PLD6: variants seen among roughly 807,000 people sequenced by gnomAD.
The protein encoded by PLD6 is phospholipase D family member 6.
PLD6 carries 10 observed loss-of-function variants against 9.7 expected under a neutral mutation model. The ratio of observed to expected loss-of-function variants is 1.03; its 90% CI spans 0.64 to 1.75. PLD6 has a LOEUF of 1.75. PLD6 is among the 40% of genes most tolerant of loss of function. PLD6 has a pLI of 0.00. For synonymous variants in PLD6, 152 were observed against 159.2 expected, an observed-to-expected ratio of 0.96 and a Z score of 0.34; for missense variants, 334 against 347.6, an observed-to-expected ratio of 0.96 and a Z score of 0.31.
intron 1 of PLD6, 57 bp downstream of exon 1, chr17:17,205,803 C>T: frequency 6.5e-7 from 1 of 1,532,382 alleles, no homozygotes. Flanking sequence ...CACCTTTGCG[C>T]CTAGGACCCC....
In PLD6 at chr17:17,201,918, A is replaced by AC. The variant is rs1423221543; in HGVS notation, c.*848_*849insG. 4 of 152,184 alleles carry AC rather than the reference A, an allele frequency of 2.6e-5. No individual in the cohort carries two copies. Among genetic ancestry groups the AC allele is most frequent in the Non-Finnish European group, 5.9e-5 (4 of 68,040 alleles). 9.4% of individuals were successfully genotyped at this position (152,184 alleles called of 1,614,324 possible). A position where few individuals can be genotyped will look rare whatever the true frequency, so the allele number is the denominator to read the frequency against. The stretch of plus-strand genomic sequence containing the variant: ...GGACAATCGTTTGAACCCAGGAGGC[A>AC]GAGGATGCAGTGAGCCGAGGTTGTG... On this transcript the variant is annotated 3_prime_UTR_variant, in exon 2 of 2. Coordinates refer to ENST00000321560, the MANE Select transcript of PLD6 (RefSeq NM_178836.4).
chr17:17,206,299 C>A lies in PLD6; in HGVS notation c.-13G>T. ...TCAACCGTCCCATGCCGCCGCTAAT[C>A]CGGGACCCACAGCCACGCCGCCGCA... On this transcript the variant is annotated 5_prime_UTR_variant, in exon 1 of 2. Transcript: ENST00000321560. The A allele has an allele frequency of 6.6e-7, 1 of 1,519,572 alleles. No homozygotes were observed. Among genetic ancestry groups the A allele is most frequent in the East Asian group, 2.7e-5 (1 of 37,334 alleles). The allele number at this position is 1,519,572 out of a possible 1,614,324, so 94.1% of individuals were successfully genotyped here.
At chr17:17,203,447 C>T (rs2046691440) in intron 1 of PLD6, among the ~76,000 whole-genome samples, 1 of 152,244 alleles carries the variant, frequency 6.6e-6, no homozygotes, top group South Asian at 2.1e-4. Context: ...AGGGCAAAGA[C>T]AGCGTGTGAG....
At chr17:17,203,658 G>A (rs578252698) in intron 1 of PLD6, among the ~76,000 whole-genome samples, 56 of 152,266 alleles carry the variant, frequency 3.7e-4, no homozygotes, top group African/African-American at 6.3e-4. Flanking sequence ...CAGGCATCCC[G>A]GCCTCTGCTC....
In PLD6 at chr17:17,202,628, TTC is replaced by T. The variant is rs2046684125; in HGVS notation, c.*137_*138del. 3.5e-6 allele frequency: 3 copies of T among 859,166 alleles called. No homozygotes were observed. The African/African-American group carries it at 5.1e-5, about 15-fold the overall frequency. 53.2% of individuals were successfully genotyped at this position (859,166 alleles called of 1,614,324 possible). A position where few individuals can be genotyped will look rare whatever the true frequency, so the allele number is the denominator to read the frequency against. ...ATAACTGACCCGAAGTAACAGAAAT[TTC>T]CCTTTCCTAACCTTCTTTAGTTCAA... On this transcript the variant is annotated 3_prime_UTR_variant, in exon 2 of 2. Coordinates refer to ENST00000321560, the MANE Select transcript of PLD6 (RefSeq NM_178836.4).
chr17:17,205,210 CT>C (rs1214114652), intron 1 of PLD6, among the ~76,000 whole-genome samples: 1 of 152,226 alleles, frequency 6.6e-6, no homozygotes, highest in East Asian at 1.9e-4. Flanking sequence ...TTCCTGGTCC[CT>C]TCTGTCCCCA....
chr17:17,203,840 GAAC>G (rs1178977003), intron 1 of PLD6, among the ~76,000 whole-genome samples: 1 of 152,198 alleles, frequency 6.6e-6, no homozygotes, highest in Non-Finnish European at 1.5e-5. Context: ...TCAAAATACA[GAAC>G]ATCCAAGTTA....
In PLD6 at chr17:17,205,893, TG is replaced by T; in HGVS notation, c.393del (p.Asn132ThrfsTer127). On this transcript the variant is annotated frameshift_variant, in exon 1 of 2. Coordinates refer to ENST00000321560, the MANE Select transcript of PLD6 (RefSeq NM_178836.4). LOFTEE classifies it low-confidence loss of function (END_TRUNC). ...CGCAGCAGACCGATTTGCGAGCCGT[TG>T]AGGGCCATGTAGTCGCAGTCGGTGA... The part of the protein sequence containing the change: ...RVVTDCDYMA[L>X]NGSQIGLLRK... 6.3e-7 allele frequency: 1 copy of T among 1,576,510 alleles called. No individual in the cohort carries two copies.
chr17:17,205,079 G>A (rs1597562918), intron 1 of PLD6, among the ~76,000 whole-genome samples: 1 of 152,196 alleles, frequency 6.6e-6, no homozygotes, highest in Non-Finnish European at 1.5e-5. Context: ...GATGGAGACA[G>A]AGACAGGCCC....
chr17:17,205,827 C>CGCTT, intron 1 of PLD6, 33 bp downstream of exon 1: 1 of 1,546,414 alleles, frequency 6.5e-7, no homozygotes, highest in Non-Finnish European at 8.7e-7. Context: ...TGGGCCAAGC[C>CGCTT]GGCCTTCTCC....
At chr17:17,205,715 C>T in intron 1 of PLD6, 145 bp downstream of exon 1, 1 of 995,506 alleles carries the variant, frequency 1.0e-6, no homozygotes, top group Non-Finnish European at 1.4e-6. Flanking sequence ...CTCCGCGTTA[C>T]ACCACCCCGA....
Position 17,202,722 on chromosome 17 carries a change from C to T in PLD6, c.*45G>A. On this transcript the variant is annotated 3_prime_UTR_variant, in exon 2 of 2. Coordinates refer to ENST00000321560, the MANE Select transcript of PLD6 (RefSeq NM_178836.4). ...TTCTAGTGCCGAGGTCTCCCTCCCT[C>T]AGAACGCACAGCAGCCCGCAGGGAG... 6.4e-7 allele frequency: 1 copy of T among 1,551,174 alleles called. No individual in the cohort carries two copies. Among genetic ancestry groups the T allele is most frequent in the Non-Finnish European group, 8.8e-7 (1 of 1,139,210 alleles).
chr17:17,204,082 C>T (rs1256224052), intron 1 of PLD6, among the ~76,000 whole-genome samples: 4 of 152,218 alleles, frequency 2.6e-5, no homozygotes, highest in African/African-American at 9.7e-5. Context: ...GCCCTCCAAA[C>T]ACATTCCTCC....
chr17:17,202,718 C>T lies in PLD6; in HGVS notation c.*49G>A. On this transcript the variant is annotated 3_prime_UTR_variant, in exon 2 of 2. Coordinates refer to ENST00000321560, the MANE Select transcript of PLD6 (RefSeq NM_178836.4). ...TTTTTTCTAGTGCCGAGGTCTCCCT[C>T]CCTCAGAACGCACAGCAGCCCGCAG... is the stretch of plus-strand genomic sequence containing the variant. The T allele has an allele frequency of 6.5e-7, 1 of 1,532,880 alleles. No individual in the cohort carries two copies. The highest frequency in any genetic ancestry group is 8.9e-7 in the Non-Finnish European group (1 of 1,126,938). The allele number at this position is 1,532,880 out of a possible 1,614,324, so 95.0% of individuals were successfully genotyped here.
rs898856295 is a variant in PLD6 at position 17,202,999 on chromosome 17, G to A, written c.527C>T (p.Thr176Met). 9.9e-6 allele frequency: 16 copies of A among 1,614,068 alleles called. No individual in the cohort carries two copies. The highest frequency in any genetic ancestry group is 2.2e-5 in the East Asian group (1 of 44,892). The change falls in exon 2 of 2, where the codon ACG (threonine) becomes ATG (methionine). Residue 176 changes from threonine (T) to methionine (M), a missense_variant. Physicochemically the swap from Thr to Met is moderately conservative, Grantham distance 81. Transcript: ENST00000321560. ...VLITGSLNWT[T>M]QAIQNNRENV... Reference sequence around the variant, plus strand: ...CTCCCTGTTGTTCTGGATGGCTTGCGTGGTCCAGTTGAGCGAGCCAGTGAT... The same window carrying A: ...CTCCCTGTTGTTCTGGATGGCTTGCATGGTCCAGTTGAGCGAGCCAGTGAT...
intron 1 of PLD6, among the ~76,000 whole-genome samples, chr17:17,204,875 G>A (rs1432977712): frequency 2.0e-5 from 3 of 152,156 alleles, no homozygotes; most frequent in Non-Finnish European, 4.4e-5. Flanking sequence ...AGGGACCCTG[G>A]CTGACTCTGG....
chr17:17,206,327 G>A lies in PLD6; in HGVS notation c.-41C>T, dbSNP rs767187703. On this transcript the variant is annotated 5_prime_UTR_variant, in exon 1 of 2. Coordinates refer to ENST00000321560, the MANE Select transcript of PLD6 (RefSeq NM_178836.4). ...GGACCCACAGCCACGCCGCCGCAGC[G>A]GAGTCTGCGCGCCCCCAGCCCTAGA... 2.2e-5 allele frequency: 33 copies of A among 1,476,426 alleles called. No individual in the cohort carries two copies. The highest frequency in any genetic ancestry group is 1.9e-4 in the Admixed American group (8 of 42,074). The allele number at this position is 1,476,426 out of a possible 1,614,324, so 91.5% of individuals were successfully genotyped here. A position where few individuals can be genotyped will look rare whatever the true frequency, so the allele number is the denominator to read the frequency against.
rs1179033445 is a variant in PLD6, at chr17:17,202,889, T to C, written c.637A>G (p.Lys213Glu). 2 of 1,614,096 alleles carry C rather than the reference T, an allele frequency of 1.2e-6. No homozygotes were observed. The highest frequency in any genetic ancestry group is 8.5e-7 in the Non-Finnish European group (1 of 1,180,022). Residue 213 changes from lysine to glutamate, a missense_variant, in exon 2 of 2, where the codon AAG becomes GAG. Lys to Glu is a moderately conservative substitution (Grantham distance 56). Transcript: ENST00000321560. ...ERIWEQFNPT[K>E]YTFFPPKKSH... is the part of the protein sequence containing the mutation. Reference sequence around the variant, plus strand: ...TTCTTTGGTGGGAAAAAGGTATACTTTGTAGGGTTAAACTGTTCCCAGATG... The same window carrying C: ...TTCTTTGGTGGGAAAAAGGTATACTCTGTAGGGTTAAACTGTTCCCAGATG...
chr17:17,205,890 C>T lies in PLD6; in HGVS notation c.397G>A (p.Gly133Ser), dbSNP rs773528299. The change falls in exon 1 of 2, where the codon GGC becomes AGC. Residue 133 changes from glycine (G) to serine (S), a missense_variant. Transcript: ENST00000321560. The part of the protein sequence containing the change: ...VTDCDYMALN[G>S]SQIGLLRKAG... ...TTGCGCAGCAGACCGATTTGCGAGC[C>T]GTTGAGGGCCATGTAGTCGCAGTCG... 1.9e-6 allele frequency: 3 copies of T among 1,576,284 alleles called. No homozygotes were observed. Among genetic ancestry groups the T allele is most frequent in the Non-Finnish European group, 8.6e-7 (1 of 1,161,878 alleles).
Sources: allele counts gnomAD v4.1 joint callset (sites outside exome capture counted in the v4.1 genomes callset), GRCh38; gene constraint gnomAD v4.1.1; transcripts MANE v1.5; gene names NCBI Gene and HGNC (gene_info 2026-07-23, HGNC 2026-07-21).